Variants in RNF123 observed in about 807,000 individuals in gnomAD.
RNF123 encodes the protein ring finger protein 123.
In RNF123, 86 loss-of-function variants were observed where a neutral mutation model predicts 168.5. The observed-to-expected ratio is 0.51, with a 90% CI of 0.43 to 0.61. The LOEUF is 0.61. Among genes scored for constraint, RNF123 ranks in the 20% least tolerant of loss-of-function variants. RNF123 has a pLI of 0.00. For missense variants in RNF123, 1,419 were observed against 1,729.7 expected, an observed-to-expected ratio of 0.82 and a Z score of 3.19; for synonymous variants, 666 against 689.1, an observed-to-expected ratio of 0.97 and a Z score of 0.52.
intron 3 of RNF123, among the ~76,000 whole-genome samples, chr3:49,692,625 A>G (rs2960545): frequency 0.52 from 78,572 of 152,090 alleles, 21,666 homozygotes; most frequent in East Asian, 0.95. Context: ...CACAAGCCCT[A>G]TACTACCCTT....
chr3:49,713,885 G>A (rs745366523), intron 29 of RNF123, 25 bp from the exon 30 acceptor site: 40 of 1,613,088 alleles, frequency 2.5e-5, no homozygotes, highest in Middle Eastern at 1.7e-4. Flanking sequence ...GCCTCACCCC[G>A]TCTCTCCCCT....
At chr3:49,704,889 G>A in intron 22 of RNF123, 95 bp from the exon 23 acceptor site, 1 of 1,412,114 alleles carries the variant, frequency 7.1e-7, no homozygotes, top group East Asian at 2.5e-5. Context: ...CCTTGCTGTG[G>A]GTGGAGGCAT....
In RNF123 at chr3:49,714,170, C is replaced by T; in HGVS notation, c.3006C>T (p.Leu1002=). ...TKLEDANLPS[L]QKPCPSTLLQ... ...TTGAGGACGCCAATTTGCCCAGCCT[C>T]CAGAGTGAGTATCTGGGTTGGGCGA... Residue 1002 remains leucine (L), a synonymous_variant, in exon 31 of 39, where the codon CTC becomes CTT. Coordinates refer to ENST00000327697, the MANE Select transcript of RNF123 (RefSeq NM_022064.5). 6.2e-7 allele frequency: 1 copy of T among 1,614,104 alleles called. No individual in the cohort carries two copies. The highest frequency in any genetic ancestry group is 8.5e-7 in the Non-Finnish European group (1 of 1,179,990).
chr3:49,718,857 C>T, intron 35 of RNF123: 4 of 1,613,430 alleles, frequency 2.5e-6, no homozygotes, highest in Non-Finnish European at 3.4e-6. Context: ...GCAGCGCGGC[C>T]AGCTCAGGTA....
chr3:49,720,676 TC>T, intron 36 of RNF123, 23 bp downstream of exon 36: 1 of 1,595,036 alleles, frequency 6.3e-7, no homozygotes, highest in East Asian at 2.2e-5. Context: ...GTGGGGCAGG[TC>T]AGGGAAATCT....
chr3:49,694,575 T>G (rs1333842633), intron 3 of RNF123, among the ~76,000 whole-genome samples: 2 of 152,254 alleles, frequency 1.3e-5, no homozygotes, highest in Admixed American at 6.5e-5. Context: ...GCCAGATTAC[T>G]TCTTCAAAGG....
intron 35 of RNF123, chr3:49,719,494 C>G: frequency 6.4e-7 from 1 of 1,558,514 alleles, no homozygotes; most frequent in Non-Finnish European, 8.7e-7. Context: ...CAGTACAGAG[C>G]AGCTCTGTGC....
In RNF123 at chr3:49,712,766, G is replaced by A. The variant is rs2080168881; in HGVS notation, c.2674+110G>A. The A allele has an allele frequency of 7.9e-6, 10 of 1,271,182 alleles. No individual in the cohort carries two copies. In the South Asian group the frequency reaches 1.1e-4, roughly 14 times the overall value. The allele number at this position is 1,271,182 out of a possible 1,614,324, so 78.7% of individuals were successfully genotyped here. A position where few individuals can be genotyped will look rare whatever the true frequency, so the allele number is the denominator to read the frequency against. Reference sequence around the variant, plus strand: ...GCCCAGCAACACACTTCTGTGGGGGGCGGGGAGGGGAGGAGCTTCCTCTGT... The same window carrying A: ...GCCCAGCAACACACTTCTGTGGGGGACGGGGAGGGGAGGAGCTTCCTCTGT... On this transcript the variant is annotated intron_variant, in intron 27 of 38. Transcript: ENST00000327697.
At chr3:49,705,412 G>A in intron 23 of RNF123, 122 bp from the exon 24 acceptor site, 2 of 1,412,466 alleles carry the variant, frequency 1.4e-6, no homozygotes, top group Non-Finnish European at 1.9e-6. Context: ...GCCCCCATGG[G>A]CTCCCCGCGG....
chr3:49,718,278 C>T, intron 35 of RNF123: 6 of 1,612,930 alleles, frequency 3.7e-6, no homozygotes, highest in Non-Finnish European at 5.1e-6. Context: ...GCAGCACGAG[C>T]ACAAGGCCCA....
chr3:49,690,707 T>TG (rs2054136244), intron 1 of RNF123, among the ~76,000 whole-genome samples: 1 of 152,116 alleles, frequency 6.6e-6, no homozygotes, highest in South Asian at 2.1e-4. Flanking sequence ...GGTCTGCACT[T>TG]GGGGGAATGT....
chr3:49,715,754 G>T, intron 32 of RNF123, 40 bp downstream of exon 32: 1 of 1,614,194 alleles, frequency 6.2e-7, no homozygotes, highest in Non-Finnish European at 8.5e-7. Flanking sequence ...GGTGGTGCAA[G>T]GGATGAGGCC....
In RNF123 at chr3:49,696,640, T is replaced by A. The variant is rs1317295700; in HGVS notation, c.168-503T>A. Among the ~76,000 whole-genome samples, 6 of 112,122 alleles carry A rather than the reference T, an allele frequency of 5.4e-5. No homozygotes were observed. In the East Asian group the frequency reaches 1.7e-3, roughly 32 times the overall value. 73.6% of individuals were successfully genotyped at this position (112,122 alleles called of 152,430 possible). ...GCATGAGCCACCGCACCTGGCCACA[T>A]ACTTTTTTTTTTTTTTTTTTTGAGA... On this transcript the variant is annotated intron_variant, in intron 3 of 38. Coordinates refer to ENST00000327697, the MANE Select transcript of RNF123 (RefSeq NM_022064.5).
intron 20 of RNF123, among the ~76,000 whole-genome samples, chr3:49,702,995 G>A (rs555234014): frequency 1.3e-5 from 2 of 152,186 alleles, no homozygotes; most frequent in Non-Finnish European, 2.9e-5. Flanking sequence ...CTACCATTGT[G>A]GGCTCTTTTC....
intron 3 of RNF123, among the ~76,000 whole-genome samples, chr3:49,693,822 G>A (rs972155308): frequency 4.6e-5 from 7 of 152,160 alleles, no homozygotes; most frequent in Admixed American, 4.6e-4. Flanking sequence ...ATGATATCTC[G>A]TAGTTTTGAT....
At chr3:49,716,510 G>T in intron 35 of RNF123, 33 bp downstream of exon 35, 1 of 1,588,910 alleles carries the variant, frequency 6.3e-7, no homozygotes, top group Non-Finnish European at 8.6e-7. Flanking sequence ...CCCTGTGGGA[G>T]TTGGGTGTGT....
chr3:49,697,862 C>A, intron 5 of RNF123, 23 bp from the exon 6 acceptor site: 1 of 1,613,994 alleles, frequency 6.2e-7, no homozygotes. Flanking sequence ...GGAGCTAGCC[C>A]ACCACCCCTC....
At chr3:49,702,810 G>A (rs1471813455) in intron 20 of RNF123, 57 bp downstream of exon 20, 5 of 1,610,804 alleles carry the variant, frequency 3.1e-6, no homozygotes, top group Non-Finnish European at 4.2e-6. Context: ...GCGTAGGGCA[G>A]CCCCTAATGT....
At position 49,699,982 on chromosome 3, in the gene RNF123, A is replaced by G. The variant is rs765643937; in HGVS notation, c.984+210A>G. 14 of 679,286 alleles carry G rather than the reference A, an allele frequency of 2.1e-5. No individual in the cohort carries two copies. The highest frequency in any genetic ancestry group is 3.5e-5 in the Non-Finnish European group (14 of 404,302). 42.1% of individuals were successfully genotyped at this position (679,286 alleles called of 1,614,324 possible). A position where few individuals can be genotyped will look rare whatever the true frequency, so the allele number is the denominator to read the frequency against. Reference sequence around the variant, plus strand: ...CAAGGGCATCAGGGGATGTCCTGGAAAGAAGACTGAAGGATAATAACATCC... The same window carrying G: ...CAAGGGCATCAGGGGATGTCCTGGAGAGAAGACTGAAGGATAATAACATCC... On this transcript the variant is annotated intron_variant, in intron 12 of 38. Coordinates refer to ENST00000327697, the MANE Select transcript of RNF123 (RefSeq NM_022064.5). The surrounding 1 kb of genome is among the most constrained non-coding windows in gnomAD (Gnocchi z 4.8).
Sources: allele counts gnomAD v4.1 joint callset (sites outside exome capture counted in the v4.1 genomes callset), GRCh38; gene constraint gnomAD v4.1.1; non-coding constraint Gnocchi (gnomAD v3.1); transcripts MANE v1.5; gene names NCBI Gene and HGNC (gene_info 2026-07-23, HGNC 2026-07-21).